The following EFL1 variants were observed in gnomAD, a reference collection of about 807,000 sequenced individuals.
EFL1 encodes elongation factor like GTPase 1, also known as elongation factor-like GTPase 1.
Under a neutral mutation model 126.7 loss-of-function variants are expected in EFL1, and 76 were observed. The observed-to-expected ratio is 0.60, with a 90% CI of 0.50 to 0.73. The LOEUF is 0.73. EFL1 is among the 30% of genes least tolerant of loss of function. The probability of loss-of-function intolerance (pLI) is 0.00; values close to 1 mark genes in which losing one functional copy is unlikely to be tolerated. For synonymous variants in EFL1, 410 were observed against 448.4 expected, an observed-to-expected ratio of 0.91 and a Z score of 1.08; for missense variants, 1,128 against 1,343.2, an observed-to-expected ratio of 0.84 and a Z score of 2.50.
At chr15:82,199,091 C>A (rs1377111503) in intron 15 of EFL1, among the ~76,000 whole-genome samples, 1 of 151,958 alleles carries the variant, frequency 6.6e-6, no homozygotes, top group African/African-American at 2.4e-5. Context: ...GAAAGGAAGG[C>A]TTATGAAAGA....
rs914611994 is a variant in EFL1, at chr15:82,247,242, G to A, written c.244+5449C>T. On this transcript the variant is annotated intron_variant, in intron 4 of 19. Coordinates refer to ENST00000268206, the MANE Select transcript of EFL1 (RefSeq NM_024580.6). ...AGGAAGTATTTAAGTTTGAAAGGTC[G>A]AAGATGGATAGCTCAAGGTGATGCT... is the stretch of plus-strand genomic sequence containing the variant. Among the ~76,000 whole-genome samples, 9 of 152,138 alleles carry A rather than the reference G, an allele frequency of 5.9e-5. 1 individual carries two copies. Among genetic ancestry groups the A allele is most frequent in the East Asian group, 1.9e-4 (1 of 5,198 alleles).
chr15:82,165,301 C>T (rs1265638559), intron 15 of EFL1, among the ~76,000 whole-genome samples: 1 of 152,034 alleles, frequency 6.6e-6, no homozygotes, highest in Non-Finnish European at 1.5e-5. Context: ...GCGAGAGAAA[C>T]ACACACACAC....
chr15:82,252,579 T>A, intron 4 of EFL1, 112 bp downstream of exon 4: 1 of 818,294 alleles, frequency 1.2e-6, no homozygotes, highest in Non-Finnish European at 2.0e-6. Flanking sequence ...GAGGCCAGAA[T>A]AAAATACGTG....
chr15:82,177,845 T>C (rs1567051847), intron 15 of EFL1, among the ~76,000 whole-genome samples: 1 of 152,168 alleles, frequency 6.6e-6, no homozygotes, highest in African/African-American at 2.4e-5. Context: ...TCATGGGAAA[T>C]ATTTCTTTGG....
chr15:82,162,771 T>A (rs1021575139), intron 16 of EFL1, among the ~76,000 whole-genome samples: 24 of 152,218 alleles, frequency 1.6e-4, no homozygotes, highest in African/African-American at 5.5e-4. Context: ...GCTAGGGGTA[T>A]GTCTTAGAAC....
chr15:82,195,628 C>T (rs774594937), intron 15 of EFL1, among the ~76,000 whole-genome samples: 4 of 152,144 alleles, frequency 2.6e-5, no homozygotes, highest in Non-Finnish European at 5.9e-5. Flanking sequence ...AGCTAAACGC[C>T]AACAAACTAA....
intron 4 of EFL1, among the ~76,000 whole-genome samples, chr15:82,242,143 T>G (rs2074937751): frequency 6.6e-6 from 1 of 152,198 alleles, no homozygotes; most frequent in Non-Finnish European, 1.5e-5. Context: ...AAACATAACT[T>G]AGTATACCAT....
Position 82,219,678 on chromosome 15 carries a change from A to T in EFL1, c.1585T>A (p.Tyr529Asn), listed in dbSNP as rs2074687588. The change falls in exon 14 of 20, where the codon TAC becomes AAC. Residue 529 changes from tyrosine (Y) to asparagine (N), a missense_variant. Physicochemically the swap from Tyr to Asn is moderately radical, Grantham distance 143. Around this residue, in one of 6 missense-constraint regions of EFL1, gnomAD observed 120 missense variants for 142.1 expected, o/e 0.84. Transcript: ENST00000268206. The part of the protein sequence containing the change: ...GKKIFVLGPK[Y>N]SPLEFLRRVP... ...CTTCGTAAAAACTCAAGAGGACTGTATTTGGGCCCCAAGACAAAAATTTTC... is the reference window on the plus strand; with the variant it reads ...CTTCGTAAAAACTCAAGAGGACTGTTTTTGGGCCCCAAGACAAAAATTTTC... 11 of 1,613,470 alleles carry T rather than the reference A, an allele frequency of 6.8e-6. No homozygotes were observed. Among genetic ancestry groups the T allele is most frequent in the Non-Finnish European group, 9.3e-6 (11 of 1,179,714 alleles).
At chr15:82,133,047 C>T (rs769356898) in intron 19 of EFL1, among the ~76,000 whole-genome samples, 4 of 152,106 alleles carry the variant, frequency 2.6e-5, no homozygotes, top group Admixed American at 2.6e-4. Context: ...AAGCCACCCA[C>T]CCAGGGTGAG....
intron 15 of EFL1, among the ~76,000 whole-genome samples, chr15:82,206,404 A>G (rs2074525467): frequency 6.6e-6 from 1 of 152,170 alleles, no homozygotes; most frequent in Non-Finnish European, 1.5e-5. Flanking sequence ...AAACTCAAGT[A>G]ATATGGAAAC....
In EFL1 at chr15:82,151,148, G is replaced by C. The variant is rs111862815; in HGVS notation, c.2989+317C>G. Among the ~76,000 whole-genome samples, 723 of 152,256 alleles carry C rather than the reference G, an allele frequency of 4.7e-3. 11 individuals carry two copies. The highest frequency in any genetic ancestry group is 0.017 in the African/African-American group (695 of 41,552). ...GCCTGTAATCCCAGAACTTTGGGAG[G>C]CCAAAGTGGGTGGATCACTTGAACT... On this transcript the variant is annotated intron_variant, in intron 18 of 19. Coordinates refer to ENST00000268206, the MANE Select transcript of EFL1 (RefSeq NM_024580.6).
At chr15:82,136,685 G>A (rs2073725717) in intron 19 of EFL1, among the ~76,000 whole-genome samples, 1 of 152,004 alleles carries the variant, frequency 6.6e-6, no homozygotes, top group Non-Finnish European at 1.5e-5. Context: ...TTCTTACTTG[G>A]TTTGTGTTCT....
At chr15:82,202,360 C>T (rs2074478109) in intron 15 of EFL1, among the ~76,000 whole-genome samples, 2 of 152,140 alleles carry the variant, frequency 1.3e-5, no homozygotes, top group South Asian at 2.1e-4. Flanking sequence ...AAGGGGAAAG[C>T]ATTCTTTAAT....
At chr15:82,173,965 G>A (rs986202531) in intron 15 of EFL1, among the ~76,000 whole-genome samples, 2 of 152,050 alleles carry the variant, frequency 1.3e-5, no homozygotes, top group African/African-American at 4.8e-5. Context: ...CGAAGCAGGC[G>A]GATCACGAGG....
At chr15:82,224,169 A>T (rs563140672) in intron 12 of EFL1, among the ~76,000 whole-genome samples, 5 of 152,340 alleles carry the variant, frequency 3.3e-5, no homozygotes, top group Admixed American at 2.6e-4. Flanking sequence ...AATGCCACTA[A>T]GACAGGTCAA....
intron 15 of EFL1, among the ~76,000 whole-genome samples, chr15:82,209,651 G>A (rs370144706): frequency 4.6e-5 from 7 of 152,156 alleles, no homozygotes; most frequent in East Asian, 1.9e-4. Flanking sequence ...AGAACAAAAC[G>A]CTATTGTGTG....
chr15:82,189,439 T>C (rs1171060231), intron 15 of EFL1, among the ~76,000 whole-genome samples: 1 of 152,214 alleles, frequency 6.6e-6, no homozygotes, highest in Non-Finnish European at 1.5e-5. Context: ...ATCACATGTT[T>C]TTTCCTCTCA....
At chr15:82,167,368 C>T (rs2074090817) in intron 15 of EFL1, among the ~76,000 whole-genome samples, 1 of 152,108 alleles carries the variant, frequency 6.6e-6, no homozygotes, top group South Asian at 2.1e-4. Flanking sequence ...GTACATAGGT[C>T]CTTGCTAGAC....
chr15:82,138,545 G>T, intron 19 of EFL1, 113 bp downstream of exon 19: 1 of 1,258,944 alleles, frequency 7.9e-7, no homozygotes, highest in Non-Finnish European at 1.1e-6. Context: ...ACTGAGTTGA[G>T]CCATAGGAAG....
Sources: gnomAD v4.1 joint callset for allele counts (sites outside exome capture counted in the v4.1 genomes callset) on GRCh38, gnomAD v4.1.1 for gene constraint, gnomAD v4.1.1 regional missense constraint, MANE v1.5 for transcripts, NCBI Gene and HGNC (gene_info 2026-07-23, HGNC 2026-07-21) for gene names.